Variants in DLGAP1 observed in about 807,000 individuals in gnomAD.
The protein encoded by DLGAP1 is disks large-associated protein 1.
In DLGAP1, 11 loss-of-function variants were observed where a neutral mutation model predicts 90.8. The observed-to-expected ratio is 0.12, with a 90% CI of 0.08 to 0.20. DLGAP1 has a LOEUF of 0.20. Ranked by LOEUF, DLGAP1 falls within the 10% of genes least tolerant of loss-of-function variation. DLGAP1 has a pLI of 1.00. For missense variants in DLGAP1, 1,050 were observed against 1,333.8 expected (o/e 0.79, Z 3.31); for synonymous variants, 558 against 540.7 (o/e 1.03, Z -0.44).
chr18:3,816,197 C>T (rs1323187150), intron 4 of DLGAP1, among the ~76,000 whole-genome samples: 1 of 152,068 alleles, frequency 6.6e-6, no homozygotes, highest in East Asian at 1.9e-4. Context: ...GAGTAACTTG[C>T]CAAAGGACAC....
At chr18:4,010,540 T>A (rs978439030) in intron 2 of DLGAP1, among the ~76,000 whole-genome samples, 1 of 152,156 alleles carries the variant, frequency 6.6e-6, no homozygotes, top group African/African-American at 2.4e-5. Flanking sequence ...AGTGAGACTC[T>A]GTCTAAAAAT....
At chr18:4,175,184 CT>C in intron 1 of DLGAP1, among the ~76,000 whole-genome samples, 1 of 152,142 alleles carries the variant, frequency 6.6e-6, no homozygotes, top group Non-Finnish European at 1.5e-5. Context: ...TGATGATGAG[CT>C]TTTTTTCATA....
intron 1 of DLGAP1, among the ~76,000 whole-genome samples, chr18:4,259,063 T>C (rs1416546307): frequency 6.6e-6 from 1 of 152,218 alleles, no homozygotes. Flanking sequence ...TCGTTGTACA[T>C]ACGTGCAGGA....
chr18:4,142,622 G>A (rs1292436420), intron 2 of DLGAP1, among the ~76,000 whole-genome samples: 1 of 152,146 alleles, frequency 6.6e-6, no homozygotes, highest in Non-Finnish European at 1.5e-5. Context: ...GTATAGAACG[G>A]CAAAATAGTT....
intron 3 of DLGAP1, among the ~76,000 whole-genome samples, chr18:3,991,583 G>A (rs1599282969): frequency 6.6e-6 from 1 of 152,330 alleles, no homozygotes; most frequent in East Asian, 1.9e-4. Context: ...GACTGCCCAA[G>A]CAGCCTGAAG....
chr18:3,502,694 A>C (rs2050001257), intron 11 of DLGAP1, 49 bp from the exon 12 acceptor site: 1 of 1,576,356 alleles, frequency 6.3e-7, no homozygotes, highest in Non-Finnish European at 8.6e-7. Context: ...AATTCTTGAC[A>C]AGCACAGGGC....
chr18:4,263,881 T>C (rs2079053280), intron 1 of DLGAP1, among the ~76,000 whole-genome samples: 1 of 152,218 alleles, frequency 6.6e-6, no homozygotes, highest in South Asian at 2.1e-4. Flanking sequence ...ACATTTTCTC[T>C]CAAAATGAAT....
intron 1 of DLGAP1, among the ~76,000 whole-genome samples, chr18:4,161,397 T>C (rs1442648512): frequency 6.6e-6 from 1 of 152,184 alleles, no homozygotes; most frequent in African/African-American, 2.4e-5. Context: ...TCCAGCTCTA[T>C]CCATGTCCCT....
At chr18:4,040,009 A>G (rs1598287288) in intron 2 of DLGAP1, among the ~76,000 whole-genome samples, 1 of 152,230 alleles carries the variant, frequency 6.6e-6, no homozygotes, top group South Asian at 2.1e-4. Flanking sequence ...CTGCTAATAT[A>G]TAGAACAGCC....
intron 1 of DLGAP1, among the ~76,000 whole-genome samples, chr18:4,400,210 G>A (rs1457273471): frequency 6.6e-6 from 1 of 152,192 alleles, no homozygotes; most frequent in Non-Finnish European, 1.5e-5. Flanking sequence ...GCCAAGCATG[G>A]CGTTGGTGTT....
Position 3,534,536 on chromosome 18 carries a change from A to G in DLGAP1, c.2137T>C (p.Ser713Pro), listed in dbSNP as rs777838181. 1.1e-5 allele frequency: 17 copies of G among 1,614,020 alleles called. No homozygotes were observed. Among genetic ancestry groups the G allele is most frequent in the African/African-American group, 1.3e-5 (1 of 75,028 alleles). Residue 713 changes from serine (S) to proline (P), a missense_variant, in exon 10 of 13, where the codon TCT becomes CCT. By Grantham distance (74) the Ser-to-Pro change is moderately conservative (BLOSUM62 -1). Around this residue, in one of 2 missense-constraint regions of DLGAP1, gnomAD observed 565 missense variants for 879.7 expected, o/e 0.64. Transcript: ENST00000315677. ...GAATTGTCCTCTATAGATTCCAGAG[A>G]ATTTTCCAGATTATCATGGAAGTCC... is the stretch of plus-strand genomic sequence containing the variant. ...DLDFHDNLEN[S>P]LESIEDNSCP... is the part of the protein sequence containing the mutation.
At chr18:4,325,662 T>C (rs1434256094) in intron 1 of DLGAP1, among the ~76,000 whole-genome samples, 3 of 151,892 alleles carry the variant, frequency 2.0e-5, no homozygotes, top group East Asian at 1.9e-4. Context: ...CGTACAAAAA[T>C]AGACACATAG....
At chr18:4,247,970 A>C (rs1055037460) in intron 1 of DLGAP1, among the ~76,000 whole-genome samples, 1 of 152,156 alleles carries the variant, frequency 6.6e-6, no homozygotes, top group African/African-American at 2.4e-5. Context: ...GGGATCTAAA[A>C]TTCAATATGC....
intron 1 of DLGAP1, among the ~76,000 whole-genome samples, chr18:4,303,787 T>C (rs888334822): frequency 2.0e-5 from 3 of 152,096 alleles, no homozygotes; most frequent in Admixed American, 2.0e-4. Context: ...TTCTTAATAT[T>C]TTAGTTGAGT....
chr18:4,219,203 T>C (rs1463547002), intron 1 of DLGAP1, among the ~76,000 whole-genome samples: 1 of 151,992 alleles, frequency 6.6e-6, no homozygotes, highest in East Asian at 1.9e-4. Flanking sequence ...CATTGGGGTT[T>C]TAATTTGCGT....
Position 3,672,446 on chromosome 18 carries a change from A to G in DLGAP1, c.1591+56689T>C, listed in dbSNP as rs575452602. Among the ~76,000 whole-genome samples, 6 of 151,996 alleles carry G rather than the reference A, an allele frequency of 3.9e-5. No individual in the cohort carries two copies. The South Asian group carries it at 1.0e-3, about 26-fold the overall frequency. ...TACAAAATCAGCTGGGTGTGGTGGC[A>G]CATGCCTGTAATCCCAGGTACTCTG... On this transcript the variant is annotated intron_variant, in intron 7 of 12. Coordinates refer to ENST00000315677, the MANE Select transcript of DLGAP1 (RefSeq NM_004746.4).
rs148278361 is a variant in DLGAP1, at chr18:3,698,564, C to T, written c.1591+30571G>A. 9.9e-3 allele frequency among the ~76,000 whole-genome samples: 1,504 copies of T among 152,304 alleles called. 10 individuals are homozygous for T. The highest frequency in any genetic ancestry group is 0.016 in the Non-Finnish European group (1,107 of 68,028). ...TTCTGCAGAGAGATCTGCTGTTAGT[C>T]TGATGGGCTTCCCTTTGTGGGTAAC... On this transcript the variant is annotated intron_variant, in intron 7 of 12. Coordinates refer to ENST00000315677, the MANE Select transcript of DLGAP1 (RefSeq NM_004746.4).
intron 3 of DLGAP1, among the ~76,000 whole-genome samples, chr18:3,936,368 C>T (rs112405491): frequency 0.025 from 3,835 of 152,300 alleles, 64 homozygotes; most frequent in African/African-American, 0.034. Flanking sequence ...TTCTTCTTTG[C>T]CCCACAGACC....
In DLGAP1 at chr18:3,750,622, G is replaced by A. The variant is rs942507619; in HGVS notation, c.1173-8110C>T. Among the ~76,000 whole-genome samples the A allele has an allele frequency of 7.9e-5, 12 of 152,248 alleles. No homozygotes were observed. In the East Asian group the frequency reaches 2.3e-3, roughly 29 times the overall value. Reference sequence around the variant, plus strand: ...TAACCATGCTCCTATCATGAGTCCTGTATCCTTGAATGTATCTCTCTTGTC... The same window carrying A: ...TAACCATGCTCCTATCATGAGTCCTATATCCTTGAATGTATCTCTCTTGTC... On this transcript the variant is annotated intron_variant, in intron 5 of 12. Transcript: ENST00000315677.
Sources: allele counts gnomAD v4.1 joint callset (sites outside exome capture counted in the v4.1 genomes callset), GRCh38; gene constraint gnomAD v4.1.1; regional missense constraint gnomAD v4.1.1; transcripts MANE v1.5; gene names NCBI Gene and HGNC (gene_info 2026-07-23, HGNC 2026-07-21).